The following TRPM5 variants were observed in gnomAD, a reference collection of about 807,000 sequenced individuals.
TRPM5 encodes MLSN1 and TRP-related.
Under a neutral mutation model 124.9 loss-of-function variants are expected in TRPM5, and 121 were observed. The ratio of observed to expected loss-of-function variants is 0.97; its 90% CI spans 0.84 to 1.13. The LOEUF (loss-of-function observed/expected upper bound fraction) is 1.13, where lower values mean the gene tolerates loss of function less well. Among genes scored for constraint, TRPM5 ranks in the 50% most tolerant of loss-of-function variants. The pLI is 0.00. For missense variants in TRPM5, 1,643 were observed against 1,589.1 expected, an observed-to-expected ratio of 1.03 and a Z score of -0.58; for synonymous variants, 781 against 700.5, an observed-to-expected ratio of 1.11 and a Z score of -1.81.
At chr11:2,429,763 T>C in the TRPM5 span, among the ~76,000 whole-genome samples, 317 of 152,106 alleles carry the variant, frequency 2.1e-3, 4 homozygotes, top group African/African-American at 7.4e-3. The surrounding 1 kb of genome is among the most constrained non-coding windows in gnomAD (Gnocchi z 8.4). Context: ...GCATGGGTGC[T>C]TGATATGGTT....
intron 18 of TRPM5, 105 bp from the exon 24 acceptor site, chr11:2,408,017 G>A (rs1850359567): frequency 7.0e-7 from 1 of 1,427,472 alleles, no homozygotes; most frequent in East Asian, 2.4e-5. Context: ...TGAACCCAGG[G>A]GACGGGGTGC....
chr11:2,407,012 C>A, intron 20 of TRPM5, 107 bp downstream of exon 25: 7 of 1,381,778 alleles, frequency 5.1e-6, no homozygotes, highest in Non-Finnish European at 6.7e-6. Flanking sequence ...ACCCACAGGG[C>A]TGAGGAGGGG....
chr11:2,432,811 C>T, the TRPM5 span, among the ~76,000 whole-genome samples: 1 of 152,254 alleles, frequency 6.6e-6, no homozygotes. Flanking sequence ...CACAGTCTAG[C>T]CCCAGGTGGG....
chr11:2,433,868 G>A, the TRPM5 span, among the ~76,000 whole-genome samples: 1 of 152,160 alleles, frequency 6.6e-6, no homozygotes, highest in Admixed American at 6.5e-5. Context: ...CAGCAGGTGT[G>A]CCTGTGGGTG....
In TRPM5 at chr11:2,417,678, C is replaced by A. The variant is rs557119581; in HGVS notation, c.1009+49G>T. 1.3e-5 allele frequency: 19 copies of A among 1,475,584 alleles called. No homozygotes were observed. The Admixed American group carries it at 2.5e-4, about 20-fold the overall frequency. 91.4% of individuals were successfully genotyped at this position (1,475,584 alleles called of 1,614,324 possible). On this transcript the variant is annotated intron_variant, in intron 7 of 23. Coordinates refer to ENST00000155858, the Ensembl canonical transcript of TRPM5. ...TGCCAAACCCCAAAGCGGCTCTGAG[C>A]ATGAAGCCCCCCAATGGCGCCTGCC... is the stretch of plus-strand genomic sequence containing the variant.
chr11:2,412,922 G>A (rs752712855), exon 15 of TRPM5: 63 of 1,599,430 alleles, frequency 3.9e-5, no homozygotes, highest in African/African-American at 9.4e-5. Flanking sequence ...TCACGGGAGC[G>A]CCCCAGAATT....
At chr11:2,405,899 T>A in intron 22 of TRPM5, 120 bp downstream of exon 27, 1 of 949,828 alleles carries the variant, frequency 1.1e-6, no homozygotes, top group South Asian at 1.5e-5. Context: ...GGGGTGCTCC[T>A]GTCCTGGCTC....
chr11:2,406,172 TCC>T lies in TRPM5; in HGVS notation c.3252-83_3252-82del. 2.7e-6 allele frequency: 4 copies of T among 1,506,484 alleles called. No individual in the cohort carries two copies. In the South Asian group the frequency reaches 4.5e-5, roughly 17 times the overall value. The allele number at this position is 1,506,484 out of a possible 1,614,324, so 93.3% of individuals were successfully genotyped here. A position where few individuals can be genotyped will look rare whatever the true frequency, so the allele number is the denominator to read the frequency against. The stretch of plus-strand genomic sequence containing the variant: ...GGGAGCCTCCCCATCCCCCCAGGCC[TCC>T]CTGTGTGCCCGAGTTTGGGGTGCCC... On this transcript the variant is annotated intron_variant, in intron 21 of 23. Coordinates refer to ENST00000155858, the Ensembl canonical transcript of TRPM5.
chr11:2,443,151 C>T, the TRPM5 span, among the ~76,000 whole-genome samples: 2 of 152,236 alleles, frequency 1.3e-5, no homozygotes, highest in African/African-American at 4.8e-5. This position sits in a 1 kb window ranked among gnomAD's most constrained non-coding sequence, Gnocchi z 5.0. Flanking sequence ...GTAGAATTTG[C>T]ATGGCTTCAT....
the TRPM5 span, among the ~76,000 whole-genome samples, chr11:2,443,823 A>AC: frequency 0.029 from 2,901 of 99,096 alleles, 13 homozygotes; most frequent in African/African-American, 0.042. The surrounding 1 kb of genome is among the most constrained non-coding windows in gnomAD (Gnocchi z 5.0). Flanking sequence ...GCTGCCCCCC[A>AC]CCCCCCCCCC....
intron 18 of TRPM5, among the ~76,000 whole-genome samples, chr11:2,409,160 C>T (rs12280926): frequency 0.027 from 4,035 of 152,210 alleles, 63 homozygotes; most frequent in South Asian, 0.074. Context: ...TATTGAGTGT[C>T]TGTGTGTGCA....
At chr11:2,404,917 C>T (rs1310544233) in exon 24 of TRPM5, 1 of 1,604,260 alleles carries the variant, frequency 6.2e-7, no homozygotes, top group Non-Finnish European at 8.5e-7. Flanking sequence ...GGTGGCCCCA[C>T]ACGTGGCAGG....
At chr11:2,409,398 T>C (rs1455797165) in intron 18 of TRPM5, among the ~76,000 whole-genome samples, 3 of 151,960 alleles carry the variant, frequency 2.0e-5, no homozygotes, top group Non-Finnish European at 4.4e-5. Context: ...CCCCACACCC[T>C]CCCCGACTCT....
At chr11:2,404,774 T>C (rs1464181171) in exon 24 of TRPM5, 1 of 595,596 alleles carries the variant, frequency 1.7e-6, no homozygotes, top group East Asian at 2.9e-5. Context: ...CAAGGAGCGG[T>C]TCCTTTGGGT....
At chr11:2,412,936 G>A (rs148078191) in exon 15 of TRPM5, 21 of 1,602,172 alleles carry the variant, frequency 1.3e-5, no homozygotes, top group Middle Eastern at 1.7e-4. Context: ...CAGAATTTCC[G>A]CCAGCGTGTG....
At chr11:2,414,261 C>T in intron 11 of TRPM5, 55 bp from the exon 17 acceptor site, 1 of 1,557,814 alleles carries the variant, frequency 6.4e-7, no homozygotes, top group Non-Finnish European at 8.7e-7. Context: ...GGCCCGGCCC[C>T]CGACGCCCCT....
chr11:2,417,681 G>A lies in TRPM5; in HGVS notation c.1009+46C>T, dbSNP rs776706231. ...CAAACCCCAAAGCGGCTCTGAGCAT[G>A]AAGCCCCCCAATGGCGCCTGCCTTG... On this transcript the variant is annotated intron_variant, in intron 7 of 23. Transcript: ENST00000155858. 2.7e-6 allele frequency: 4 copies of A among 1,490,658 alleles called. No homozygotes were observed. In the African/African-American group the frequency reaches 5.5e-5, roughly 21 times the overall value. 92.3% of individuals were successfully genotyped at this position (1,490,658 alleles called of 1,614,324 possible). A position where few individuals can be genotyped will look rare whatever the true frequency, so the allele number is the denominator to read the frequency against.
chr11:2,436,701 TC>T, the TRPM5 span, among the ~76,000 whole-genome samples: 2 of 152,144 alleles, frequency 1.3e-5, no homozygotes, highest in Non-Finnish European at 2.9e-5. Context: ...GAAGCCAACC[TC>T]CCACACAAGG....
the TRPM5 span, among the ~76,000 whole-genome samples, chr11:2,435,977 C>T: frequency 3.0e-4 from 45 of 152,324 alleles, no homozygotes; most frequent in African/African-American, 1.1e-3. This position sits in a 1 kb window ranked among gnomAD's most constrained non-coding sequence, Gnocchi z 4.1. Flanking sequence ...ACCCCAAGAG[C>T]GTAGGCAGTT....
Sources: gnomAD v4.1 joint callset for allele counts (sites outside exome capture counted in the v4.1 genomes callset) on GRCh38, gnomAD v4.1.1 for gene constraint, Gnocchi (gnomAD v3.1) non-coding constraint, MANE v1.5 for transcripts, NCBI Gene and HGNC (gene_info 2026-07-23, HGNC 2026-07-21) for gene names.